The following ZFHX3 variants were observed in gnomAD, a reference collection of about 807,000 sequenced individuals.
The protein encoded by ZFHX3 is zinc finger homeobox 3.
In ZFHX3, 42 loss-of-function variants were observed where a neutral mutation model predicts 279.1. The observed-to-expected ratio is 0.15, with a 90% CI of 0.12 to 0.19. The LOEUF (loss-of-function observed/expected upper bound fraction) is 0.19. Ranked by LOEUF, ZFHX3 falls within the 10% of genes least tolerant of loss-of-function variation. ZFHX3 has a pLI of 1.00. For synonymous variants in ZFHX3, 2,293 were observed against 1,957.8 expected, an observed-to-expected ratio of 1.17 and a Z score of -4.52; for missense variants, 4,981 against 4,754.0, an observed-to-expected ratio of 1.05 and a Z score of -1.40.
intron 1 of ZFHX3, among the ~76,000 whole-genome samples, chr16:73,034,698 TGA>T (rs1964836678): frequency 1.3e-5 from 2 of 152,232 alleles, no homozygotes; most frequent in Non-Finnish European, 2.9e-5. Context: ...CAGGAATGAA[TGA>T]GAGTGGGGCT....
intron 2 of ZFHX3, among the ~76,000 whole-genome samples, chr16:73,612,167 G>A (rs2052253393): frequency 6.6e-6 from 1 of 152,040 alleles, no homozygotes; most frequent in East Asian, 1.9e-4. Flanking sequence ...AGTTATTTGG[G>A]GAGAAATTCT....
At position 72,788,736 on chromosome 16, in the gene ZFHX3, G is replaced by A. The variant is rs2035572204; in HGVS notation, c.9540C>T (p.Ser3180=). The A allele has an allele frequency of 1.3e-6, 2 of 1,598,278 alleles. No individual in the cohort carries two copies. Among genetic ancestry groups the A allele is most frequent in the African/African-American group, 2.7e-5 (2 of 74,174 alleles). ...CCATCGTGGCTTGTGCTGGGGTTGG[G>A]GAGCTCAGCGACGCTGAGGACGGTT... ...PNKPSSASLS[S]PTPAQATMAM... The change falls in exon 10 of 10, where the codon TCC becomes TCT. Residue 3180 remains serine, a synonymous_variant. Coordinates refer to ENST00000268489, the MANE Select transcript of ZFHX3 (RefSeq NM_006885.4).
chr16:73,444,738 C>G lies in ZFHX3; in HGVS notation c.-1291+11265G>C, dbSNP rs577725718. On this transcript the variant is annotated intron_variant, in intron 3 of 17. Coordinates refer to the ZFHX3 transcript ENST00000641206. ...ATGCAACTGAGCAACACTCAAAGCT[C>G]TCAAGTGAAGTGCAGCACCTGTGCA... Among the ~76,000 whole-genome samples, 26 of 152,204 alleles carry G rather than the reference C, an allele frequency of 1.7e-4. 1 individual carries two copies. Among genetic ancestry groups the G allele is most frequent in the Admixed American group, 1.7e-3 (26 of 15,286 alleles).
intron 2 of ZFHX3, among the ~76,000 whole-genome samples, chr16:73,603,502 T>C (rs2052145467): frequency 6.6e-6 from 1 of 152,092 alleles, no homozygotes. Flanking sequence ...TGGTGAGACG[T>C]GCTCCCATAG....
In ZFHX3 at chr16:73,373,436, C is replaced by T. The variant is rs574341274; in HGVS notation, c.-1290-55100G>A. Among the ~76,000 whole-genome samples the T allele has an allele frequency of 1.3e-4, 20 of 152,274 alleles. No individual in the cohort carries two copies. The South Asian group carries it at 3.3e-3, about 25-fold the overall frequency. ...TTTGTGGGGCAATATGGAAGAGCCT[C>T]TTAATACTGTCCTGTCCATGAGAGA... is the stretch of plus-strand genomic sequence containing the variant. On this transcript the variant is annotated intron_variant, in intron 3 of 17. Coordinates refer to the ZFHX3 transcript ENST00000641206.
intron 2 of ZFHX3, among the ~76,000 whole-genome samples, chr16:73,580,823 T>C (rs1412368739): frequency 6.6e-6 from 1 of 151,872 alleles, no homozygotes; most frequent in Non-Finnish European, 1.5e-5. Flanking sequence ...TTATTGCCTA[T>C]AGGAACCCAT....
intron 4 of ZFHX3, among the ~76,000 whole-genome samples, chr16:73,273,110 C>T (rs760316351): frequency 6.6e-6 from 1 of 152,116 alleles, no homozygotes; most frequent in African/African-American, 2.4e-5. Flanking sequence ...TCTATTTCTC[C>T]ACCAGTCTTT....
At chr16:73,687,011 A>AATATATATATATATATATATATATATAT (rs58565282) in intron 1 of ZFHX3, among the ~76,000 whole-genome samples, 1 of 53,230 alleles carries the variant, frequency 1.9e-5, no homozygotes, top group Non-Finnish European at 3.5e-5. Flanking sequence ...TTTGCAGCTA[A>AATATATATATATATATATATATATATAT]ATATATATAT....
In ZFHX3 at chr16:73,579,873, T is replaced by TATATACAC. The variant is rs879701579; in HGVS notation, c.-1547+100306_-1547+100307insGTGTATAT. Among the ~76,000 whole-genome samples the TATATACAC allele has an allele frequency of 2.5e-4, 36 of 145,428 alleles. 1 individual carries two copies. The highest frequency in any genetic ancestry group is 9.0e-4 in the African/African-American group (35 of 39,086). On this transcript the variant is annotated intron_variant, in intron 2 of 17. Transcript: ENST00000641206. Reference sequence around the variant, plus strand: ...TACAGATTATATATATATATATATATACATACACACACATATAATGTATTA... The same window carrying TATATACAC: ...TACAGATTATATATATATATATATATATATACACACATACACACACATATAATGTATTA...
chr16:73,824,396 T>A (rs1257073234), intron 1 of ZFHX3, among the ~76,000 whole-genome samples: 9 of 138,918 alleles, frequency 6.5e-5, no homozygotes, highest in Non-Finnish European at 1.3e-4. Context: ...TTTTTTTTTT[T>A]AATGTTTTTT....
intron 2 of ZFHX3, among the ~76,000 whole-genome samples, chr16:73,590,568 T>G (rs1347513128): frequency 1.3e-5 from 2 of 152,218 alleles, no homozygotes; most frequent in Non-Finnish European, 1.5e-5. Context: ...ACAGTAACAT[T>G]TCTGATGACA....
chr16:73,156,258 A>G (rs1967082077), intron 5 of ZFHX3, among the ~76,000 whole-genome samples: 1 of 150,816 alleles, frequency 6.6e-6, no homozygotes, highest in African/African-American at 2.4e-5. Context: ...AAAAGACTAT[A>G]TATAAAGTGT....
chr16:72,923,660 C>G (rs2144251675), intron 3 of ZFHX3, among the ~76,000 whole-genome samples: 1 of 152,006 alleles, frequency 6.6e-6, no homozygotes, highest in South Asian at 2.1e-4. Flanking sequence ...GAATTAAGAC[C>G]ATTCCACAGC....
At chr16:73,509,072 G>T (rs1282035327) in intron 2 of ZFHX3, among the ~76,000 whole-genome samples, 1 of 152,218 alleles carries the variant, frequency 6.6e-6, no homozygotes, top group Non-Finnish European at 1.5e-5. Context: ...AGTAATTAAT[G>T]AGAAATTTCC....
chr16:72,921,999 A>G (rs1225715455), intron 3 of ZFHX3, among the ~76,000 whole-genome samples: 1 of 152,226 alleles, frequency 6.6e-6, no homozygotes, highest in Non-Finnish European at 1.5e-5. Context: ...TCCTTGGAGA[A>G]ACATCTGGGG....
chr16:73,092,564 G>A (rs993994809), intron 8 of ZFHX3: 2 of 164,490 alleles, frequency 1.2e-5, no homozygotes, highest in South Asian at 1.6e-4. Context: ...CTCCACACAA[G>A]GTTTGCTGGG....
chr16:73,122,840 G>T (rs1382696684), intron 7 of ZFHX3, among the ~76,000 whole-genome samples: 6 of 152,092 alleles, frequency 3.9e-5, no homozygotes, highest in African/African-American at 1.2e-4. Flanking sequence ...TGGTGTGGAG[G>T]AGCGAGAAGG....
At chr16:72,911,705 T>C (rs530796910) in intron 3 of ZFHX3, among the ~76,000 whole-genome samples, 2 of 152,350 alleles carry the variant, frequency 1.3e-5, no homozygotes, top group East Asian at 3.9e-4. Flanking sequence ...TCGGTGACAC[T>C]AGCCACATTT....
In ZFHX3 at chr16:72,959,138, A is replaced by T. The variant is rs765355107; in HGVS notation, c.1008T>A (p.Leu336=). The T allele has an allele frequency of 6.2e-7, 1 of 1,614,124 alleles. No homozygotes were observed. The highest frequency in any genetic ancestry group is 1.3e-5 in the African/African-American group (1 of 74,946). Reference sequence around the variant, plus strand: ...TGTTTTTTGGTTCCAGAAAACTTACAAGGGGTTCCTTGTCTTTGCCGATCC... The same window carrying T: ...TGTTTTTTGGTTCCAGAAAACTTACTAGGGGTTCCTTGTCTTTGCCGATCC... ...IQGIGKDKEP[L]VSFLEPKNKN... The change falls in exon 2 of 10, where the codon CTT becomes CTA. Residue 336 remains leucine, a synonymous_variant. Transcript: ENST00000268489.
Sources: allele counts gnomAD v4.1 joint callset (sites outside exome capture counted in the v4.1 genomes callset), GRCh38; gene constraint gnomAD v4.1.1; transcripts MANE v1.5; gene names NCBI Gene and HGNC (gene_info 2026-07-23, HGNC 2026-07-21).